The following DTX1 variants were observed in gnomAD, a reference collection of about 807,000 sequenced individuals.
DTX1 encodes the protein deltex E3 ubiquitin ligase 1.
In DTX1, 26 loss-of-function variants were observed where a neutral mutation model predicts 57.8. The ratio of observed to expected loss-of-function variants is 0.45; its 90% CI spans 0.33 to 0.62. The LOEUF (loss-of-function observed/expected upper bound fraction) is 0.62. Among genes scored for constraint, DTX1 ranks in the 20% least tolerant of loss-of-function variants. The probability of loss-of-function intolerance (pLI) is 0.02; values close to 1 mark genes in which losing one functional copy is unlikely to be tolerated. For synonymous variants in DTX1, 398 were observed against 394.1 expected (o/e 1.01, Z -0.12); for missense variants, 704 against 895.3 (o/e 0.79, Z 2.73).
At chr12:113,079,159 C>T (rs1012744806) in intron 3 of DTX1, among the ~76,000 whole-genome samples, 1 of 152,198 alleles carries the variant, frequency 6.6e-6, no homozygotes, top group Admixed American at 6.5e-5. Flanking sequence ...GAACCAAGCC[C>T]TGAGGGGTGG....
chr12:113,061,195 G>A (rs1448122152), intron 2 of DTX1, among the ~76,000 whole-genome samples: 1 of 151,924 alleles, frequency 6.6e-6, no homozygotes, highest in Non-Finnish European at 1.5e-5. Context: ...CCTGCCCCCT[G>A]TTTGCCGGAA....
Position 113,057,913 on chromosome 12 carries a change from T to A in DTX1, c.-280T>A. 1 of 489,664 alleles carries A rather than the reference T, an allele frequency of 2.0e-6. No homozygotes were observed. Among genetic ancestry groups the A allele is most frequent in the African/African-American group, 1.9e-5 (1 of 51,912 alleles). 30.3% of individuals were successfully genotyped at this position (489,664 alleles called of 1,614,324 possible). A position where few individuals can be genotyped will look rare whatever the true frequency, so the allele number is the denominator to read the frequency against. On this transcript the variant is annotated 5_prime_UTR_variant, in exon 2 of 10. Transcript: ENST00000548759. ...GAGCCAGCCGAGGGGGCCAAGGACT[T>A]TAGAGCTGTTTCCTCCGGCATAAGA...
At position 113,072,696 on chromosome 12, in the gene DTX1, CTTTTTTTTTTTTTT is replaced by C. The variant is rs60642403; in HGVS notation, c.260-4716_260-4703del. Reference sequence around the variant, plus strand: ...ATTTGCACAAGACCTGAGAGATTTTCTTTTTTTTTTTTTTTTTTTTTTTTTGAGACAGAGTCTTG... The same window carrying C: ...ATTTGCACAAGACCTGAGAGATTTTCTTTTTTTTTTTGAGACAGAGTCTTG... On this transcript the variant is annotated intron_variant, in intron 2 of 9. Transcript: ENST00000548759. Among the ~76,000 whole-genome samples the C allele has an allele frequency of 2.7e-4, 19 of 71,110 alleles. No homozygotes were observed. In the East Asian group the frequency reaches 7.3e-3, roughly 27 times the overall value. The allele number at this position is 71,110 out of a possible 152,430, so 46.7% of individuals were successfully genotyped here.
chr12:113,089,660 G>A (rs1275847495), intron 3 of DTX1, among the ~76,000 whole-genome samples: 1 of 152,308 alleles, frequency 6.6e-6, no homozygotes, highest in African/African-American at 2.4e-5. Context: ...GTTCTCGCAG[G>A]AGGCCTGCAG....
intron 3 of DTX1, among the ~76,000 whole-genome samples, chr12:113,087,143 G>C (rs1266877915): frequency 1.3e-5 from 2 of 148,974 alleles, no homozygotes; most frequent in African/African-American, 5.2e-5. Context: ...GACCCCCGCA[G>C]CCCCCATACC....
intron 2 of DTX1, among the ~76,000 whole-genome samples, chr12:113,074,891 C>T (rs2044759805): frequency 6.6e-6 from 1 of 152,136 alleles, no homozygotes; most frequent in Admixed American, 6.5e-5. Context: ...GGAAGAGCAT[C>T]CGGAAGCGCA....
Position 113,077,929 on chromosome 12 carries a change from C to A in DTX1, c.765C>A (p.Gly255=). ...TGCGCCCCAGCGCCACCTTCACAGG[C>A]GCCGCGCTCTGGGCAGCGCCCGCCG... ...LAVRPSATFT[G]AALWAAPAAG... The change falls in exon 3 of 10, where the codon GGC becomes GGA. Residue 255 remains glycine, a synonymous_variant. Transcript: ENST00000548759. This position sits in a 1 kb window ranked among gnomAD's most constrained non-coding sequence, Gnocchi z 7.8. The A allele has an allele frequency of 2.6e-6, 3 of 1,147,096 alleles. No homozygotes were observed. Among genetic ancestry groups the A allele is most frequent in the Non-Finnish European group, 3.2e-6 (3 of 935,976 alleles). 71.1% of individuals were successfully genotyped at this position (1,147,096 alleles called of 1,614,324 possible). A position where few individuals can be genotyped will look rare whatever the true frequency, so the allele number is the denominator to read the frequency against.
At chr12:113,095,494 C>T (rs1950282971) in intron 9 of DTX1, 80 bp downstream of exon 9, 3 of 1,555,514 alleles carry the variant, frequency 1.9e-6, no homozygotes, top group South Asian at 1.1e-5. Context: ...CTGTGGTCCC[C>T]ATCATTCCCA....
intron 2 of DTX1, among the ~76,000 whole-genome samples, chr12:113,068,366 C>G (rs751167862): frequency 6.6e-6 from 1 of 152,182 alleles, no homozygotes; most frequent in Non-Finnish European, 1.5e-5. Context: ...GCATTGCAGG[C>G]GCAAGGTGCT....
rs199882931 is a variant in DTX1, at chr12:113,096,829, G to A, written c.1753G>A (p.Glu585Lys). ...VVWNEIHHKT[E>K]FGSNLTGHGY... is the part of the protein sequence containing the mutation. The stretch of plus-strand genomic sequence containing the variant: ...GTGGAACGAGATCCACCACAAGACC[G>A]AGTTTGGATCCAACCTCACGGGCCA... The change falls in exon 10 of 10, where the codon GAG (glutamate) becomes AAG (lysine). Residue 585 changes from glutamate (E) to lysine (K), a missense_variant. Physicochemically the swap from Glu to Lys is moderately conservative, Grantham distance 56. This residue lies in a region of DTX1 where 168 missense variants were observed against 255.6 expected (regional missense o/e 0.66). Transcript: ENST00000548759. 1.2e-4 allele frequency: 186 copies of A among 1,613,812 alleles called. No homozygotes were observed. The highest frequency in any genetic ancestry group is 1.5e-4 in the Non-Finnish European group (179 of 1,180,038).
intron 3 of DTX1, among the ~76,000 whole-genome samples, chr12:113,083,006 C>CCGAGATCA (rs1054938698): frequency 5.9e-5 from 9 of 152,194 alleles, no homozygotes; most frequent in Admixed American, 5.9e-4. Flanking sequence ...GACTAGAAGT[C>CCGAGATCA]CGAGATCACG....
intron 3 of DTX1, among the ~76,000 whole-genome samples, chr12:113,082,625 C>T (rs1043624091): frequency 2.6e-5 from 4 of 152,146 alleles, no homozygotes; most frequent in African/African-American, 9.7e-5. Flanking sequence ...GACAGAGCCT[C>T]GCTCTTATTG....
chr12:113,065,634 G>T (rs2136425068), intron 2 of DTX1, among the ~76,000 whole-genome samples: 1 of 152,328 alleles, frequency 6.6e-6, no homozygotes, highest in African/African-American at 2.4e-5. Context: ...TGGAAGCTGT[G>T]ATGGGAAGCG....
rs377381641 is a variant in DTX1 at position 113,096,770 on chromosome 12, C to T, written c.1694C>T (p.Thr565Met). The T allele has an allele frequency of 3.8e-5, 61 of 1,613,708 alleles. No homozygotes were observed. Among genetic ancestry groups the T allele is most frequent in the Non-Finnish European group, 4.7e-5 (55 of 1,180,032 alleles). The change falls in exon 10 of 10, where the codon ACG (threonine) becomes ATG (methionine). Residue 565 changes from threonine (T) to methionine (M), a missense_variant. Thr to Met is a moderately conservative substitution (Grantham distance 81). Coordinates refer to ENST00000548759, the MANE Select transcript of DTX1 (RefSeq NM_004416.3). ...WERRLIFTIG[T>M]SNTTGESDTV... The stretch of plus-strand genomic sequence containing the variant: ...AGAAGACTCATCTTCACTATCGGCA[C>T]GTCCAACACCACGGGCGAGTCGGAC...
chr12:113,060,509 C>T (rs1350919698), intron 2 of DTX1, among the ~76,000 whole-genome samples: 2 of 152,194 alleles, frequency 1.3e-5, no homozygotes, highest in African/African-American at 2.4e-5. Context: ...GCAGAGGGCA[C>T]AGCCAGTGCA....
intron 2 of DTX1, among the ~76,000 whole-genome samples, chr12:113,070,754 G>A (rs546399631): frequency 2.6e-5 from 4 of 152,342 alleles, no homozygotes; most frequent in African/African-American, 9.6e-5. Context: ...CTACCACTTG[G>A]TGAGGTTGAA....
chr12:113,094,994 G>A, intron 7 of DTX1, 47 bp downstream of exon 7: 1 of 1,604,230 alleles, frequency 6.2e-7, no homozygotes, highest in South Asian at 1.1e-5. Context: ...GGAACGGAGT[G>A]GGGTTTGGGG....
At chr12:113,069,863 G>C (rs961317747) in intron 2 of DTX1, among the ~76,000 whole-genome samples, 1 of 152,184 alleles carries the variant, frequency 6.6e-6, no homozygotes, top group African/African-American at 2.4e-5. Flanking sequence ...TGTTGTAGGA[G>C]ACAGGTGAGC....
rs1437835898 is a variant in DTX1 at position 113,094,048 on chromosome 12, C to T, written c.1176C>T (p.Pro392=). The change falls in exon 6 of 10, where the codon CCC becomes CCT. Residue 392 remains proline (P), a synonymous_variant. Coordinates refer to ENST00000548759, the MANE Select transcript of DTX1 (RefSeq NM_004416.3). The stretch of plus-strand genomic sequence containing the variant: ...GCTGTGTCCCTGCAGGTAAGAATCC[C>T]GAGGATGTGGTTCGAAGATACATGC... ...KKKHLKKSKN[P]EDVVRRYMQK... is the part of the protein sequence containing the mutation. 12 of 1,571,296 alleles carry T rather than the reference C, an allele frequency of 7.6e-6. No homozygotes were observed. Among genetic ancestry groups the T allele is most frequent in the Admixed American group, 7.5e-5 (4 of 53,048 alleles).
Sources: allele counts gnomAD v4.1 joint callset (sites outside exome capture counted in the v4.1 genomes callset), GRCh38; gene constraint gnomAD v4.1.1; regional missense constraint gnomAD v4.1.1; non-coding constraint Gnocchi (gnomAD v3.1); transcripts MANE v1.5; gene names NCBI Gene and HGNC (gene_info 2026-07-23, HGNC 2026-07-21).